The following KANSL1 variants were observed in gnomAD, a reference collection of about 807,000 sequenced individuals.
The protein encoded by KANSL1 is MLL1/MLL complex subunit KANSL1.
Under a neutral mutation model 103.6 loss-of-function variants are expected in KANSL1, and 22 were observed. The observed-to-expected ratio is 0.21, with a 90% CI of 0.15 to 0.30. KANSL1 has a LOEUF of 0.30. KANSL1 is among the 10% of genes least tolerant of loss of function. The probability of loss-of-function intolerance (pLI) is 1.00; values close to 1 mark genes in which losing one functional copy is unlikely to be tolerated. For synonymous variants in KANSL1, 600 were observed against 527.6 expected, an observed-to-expected ratio of 1.14 and a Z score of -1.88; for missense variants, 1,337 against 1,399.8, an observed-to-expected ratio of 0.96 and a Z score of 0.72.
intron 1 of KANSL1, among the ~76,000 whole-genome samples, chr17:46,189,112 C>A (rs996707974): frequency 7.0e-6 from 1 of 143,792 alleles, no homozygotes; most frequent in African/African-American, 2.6e-5. Context: ...ACTCAGGAGG[C>A]TAAGGCAGGA....
chr17:46,143,260 G>A lies in KANSL1; in HGVS notation c.1289+27595C>T, dbSNP rs188751265. 7.3e-4 allele frequency among the ~76,000 whole-genome samples: 111 copies of A among 152,308 alleles called. No homozygotes were observed. The Middle Eastern group carries it at 0.017, about 23-fold the overall frequency. On this transcript the variant is annotated intron_variant, in intron 2 of 14. Coordinates refer to ENST00000432791, the MANE Select transcript of KANSL1 (RefSeq NM_015443.4). ...AAGTCATTATCTTCTTTGGGAGGCC[G>A]AGGCAGGTGGATCACCTGAAGTCAG...
At chr17:46,043,830 G>A (rs1007765707) in intron 7 of KANSL1, 4 of 152,168 alleles carry the variant, frequency 2.6e-5, no homozygotes, top group African/African-American at 9.7e-5. Context: ...GTACTCTCCA[G>A]TTGACGTATT....
At chr17:46,052,879 C>T (rs934927549) in intron 6 of KANSL1, among the ~76,000 whole-genome samples, 4 of 136,102 alleles carry the variant, frequency 2.9e-5, no homozygotes, top group Admixed American at 8.0e-5. Flanking sequence ...GGAGAAGAAT[C>T]GCTTAAGCCC....
intron 6 of KANSL1, among the ~76,000 whole-genome samples, chr17:46,063,761 T>C (rs1208327649): frequency 6.6e-6 from 1 of 152,144 alleles, no homozygotes; most frequent in Non-Finnish European, 1.5e-5. Flanking sequence ...GGTTGGCTAC[T>C]TCACATATTA....
intron 2 of KANSL1, among the ~76,000 whole-genome samples, chr17:46,122,086 G>A (rs2147194935): frequency 6.6e-6 from 1 of 152,294 alleles, no homozygotes; most frequent in East Asian, 1.9e-4. Flanking sequence ...TTGAACTATA[G>A]TAAGTTGGGG....
chr17:46,170,617 T>C, intron 2 of KANSL1: 1 of 508,080 alleles, frequency 2.0e-6, no homozygotes, highest in Non-Finnish European at 3.4e-6. Flanking sequence ...TTATTTTTCT[T>C]AGACTTCAAA....
chr17:46,116,928 A>C (rs1011208335), intron 2 of KANSL1, among the ~76,000 whole-genome samples: 1 of 152,252 alleles, frequency 6.6e-6, no homozygotes, highest in East Asian at 1.9e-4. Flanking sequence ...TAATCTCAGT[A>C]ATCAACAGTA....
At chr17:46,198,423 A>T (rs56911478), upstream of KANSL1, among the ~76,000 whole-genome samples, 1,402 of 26,718 alleles carry the variant, frequency 0.052, 69 homozygotes, top group East Asian at 0.27. Context: ...TACTTTAATT[A>T]AAAAAAAAAA....
At chr17:46,048,733 T>C (rs1270634502) in intron 7 of KANSL1, among the ~76,000 whole-genome samples, 1 of 152,218 alleles carries the variant, frequency 6.6e-6, no homozygotes, top group South Asian at 2.1e-4. Context: ...AAAATGTCTT[T>C]GCTCATGCAC....
intron 11 of KANSL1, 41 bp downstream of exon 11, chr17:46,034,120 A>G: frequency 6.2e-7 from 1 of 1,608,916 alleles, no homozygotes; most frequent in Non-Finnish European, 8.5e-7. Flanking sequence ...GGGCAATAGC[A>G]GGAAGAATGG....
intron 2 of KANSL1, among the ~76,000 whole-genome samples, chr17:46,103,817 G>A (rs1567678267): frequency 6.6e-6 from 1 of 152,216 alleles, no homozygotes; most frequent in South Asian, 2.1e-4. Context: ...TTTGAGATCA[G>A]GAGTTCAAGA....
chr17:46,192,670 G>A (rs2047399675), intron 1 of KANSL1, 153 bp downstream of exon 1: 1 of 153,306 alleles, frequency 6.5e-6, no homozygotes, highest in African/African-American at 2.4e-5. Context: ...GAAGCCCGGA[G>A]AGGCCATTTA....
intron 1 of KANSL1, among the ~76,000 whole-genome samples, chr17:46,186,803 A>G (rs2047056494): frequency 6.6e-6 from 1 of 152,040 alleles, no homozygotes; most frequent in Admixed American, 6.6e-5. Flanking sequence ...ATCTCGGCTC[A>G]CTACAACCTC....
intron 2 of KANSL1, among the ~76,000 whole-genome samples, chr17:46,113,090 G>T (rs2042892582): frequency 1.3e-5 from 2 of 152,128 alleles, no homozygotes; most frequent in Admixed American, 6.5e-5. Context: ...AACTAGCAAT[G>T]CCTGAAGACA....
chr17:46,125,854 C>T (rs985595119), intron 2 of KANSL1, among the ~76,000 whole-genome samples: 1 of 152,156 alleles, frequency 6.6e-6, no homozygotes, highest in African/African-American at 2.4e-5. Context: ...ATACTACAGG[C>T]TAGTATTAGT....
Position 46,050,508 on chromosome 17 carries a change from CTTTCT to C in KANSL1, c.2020+20_2020+24del. The C allele has an allele frequency of 6.2e-7, 1 of 1,608,920 alleles. No individual in the cohort carries two copies. Among genetic ancestry groups the C allele is most frequent in the Non-Finnish European group, 8.5e-7 (1 of 1,176,304 alleles). ...AGTCTCTCAAGTTTCTTTCATTAGACTTTCTAGTCTGTGGTCTTTCTTACCATCTG... is the reference window on the plus strand; with the variant it reads ...AGTCTCTCAAGTTTCTTTCATTAGACAGTCTGTGGTCTTTCTTACCATCTG... On this transcript the variant is annotated intron_variant, in intron 7 of 14. Transcript: ENST00000432791.
At chr17:46,067,131 A>AG (rs1422566272) in intron 5 of KANSL1, among the ~76,000 whole-genome samples, 1 of 152,226 alleles carries the variant, frequency 6.6e-6, no homozygotes, top group Non-Finnish European at 1.5e-5. Context: ...CCGAATTTTA[A>AG]GGGTGTTGTA....
chr17:46,085,739 G>A (rs1464677761), intron 3 of KANSL1, among the ~76,000 whole-genome samples: 1 of 151,990 alleles, frequency 6.6e-6, no homozygotes, highest in East Asian at 1.9e-4. Context: ...TAATGCACTT[G>A]CCTCAAACTC....
upstream of KANSL1, chr17:46,224,927 C>A (rs1053156962): frequency 2.6e-5 from 4 of 151,744 alleles, no homozygotes; most frequent in Admixed American, 1.3e-4. Context: ...TCAGGAGGGG[C>A]GCCCCGCGGG....
Sources: allele counts gnomAD v4.1 joint callset (sites outside exome capture counted in the v4.1 genomes callset), GRCh38; gene constraint gnomAD v4.1.1; transcripts MANE v1.5; gene names NCBI Gene and HGNC (gene_info 2026-07-23, HGNC 2026-07-21).